Variants in SLC26A11 observed in about 807,000 individuals in gnomAD.
SLC26A11 encodes sodium-independent sulfate anion transporter.
In SLC26A11, 58 loss-of-function variants were observed where a neutral mutation model predicts 62.2. The ratio of observed to expected loss-of-function variants is 0.93; its 90% CI spans 0.76 to 1.16. SLC26A11 has a LOEUF of 1.16. SLC26A11 is among the 50% of genes most tolerant of loss of function. The pLI is 0.00. For missense variants in SLC26A11, 790 were observed against 794.3 expected (o/e 0.99, Z 0.06); for synonymous variants, 411 against 368.9 (o/e 1.11, Z -1.31).
intron 17 of SLC26A11, among the ~76,000 whole-genome samples, chr17:80,251,839 C>T (rs1873400575): frequency 6.6e-6 from 1 of 152,158 alleles, no homozygotes; most frequent in Non-Finnish European, 1.5e-5. Flanking sequence ...TACCCCTCCC[C>T]TAAACACGCA....
Position 80,237,233 on chromosome 17 carries a change from G to A in SLC26A11, c.912+130G>A, listed in dbSNP as rs142621504. 1.5e-3 allele frequency: 1,674 copies of A among 1,108,322 alleles called. 27 individuals are homozygous for A. In the African/African-American group the frequency reaches 0.023, roughly 15 times the overall value. The allele number at this position is 1,108,322 out of a possible 1,614,324, so 68.7% of individuals were successfully genotyped here. On this transcript the variant is annotated intron_variant, in intron 8 of 17. Transcript: ENST00000361193. ...TTAGGACAGCTGAGTCCTCAGGAACGGACATCTCAGTTATTAAAGAATCCC... is the reference window on the plus strand; with the variant it reads ...TTAGGACAGCTGAGTCCTCAGGAACAGACATCTCAGTTATTAAAGAATCCC...
Position 80,248,654 on chromosome 17 carries a change from T to A in SLC26A11, c.1502T>A (p.Ile501Asn). 6.3e-7 allele frequency: 1 copy of A among 1,576,916 alleles called. No individual in the cohort carries two copies. The highest frequency in any genetic ancestry group is 8.6e-7 in the Non-Finnish European group (1 of 1,161,310). Residue 501 changes from isoleucine to asparagine, a missense_variant, in exon 15 of 18, where the codon ATC (isoleucine) becomes AAC (asparagine). Coordinates refer to ENST00000361193, the MANE Select transcript of SLC26A11 (RefSeq NM_001166347.2). ...FPAMEALREE[I>N]LSRALEVSPP... ...GCCATGGAGGCTCTGCGGGAGGAGATCCTAAGCCGGGCCCTGGAAGGTGCA... is the reference window on the plus strand; with the variant it reads ...GCCATGGAGGCTCTGCGGGAGGAGAACCTAAGCCGGGCCCTGGAAGGTGCA...
In SLC26A11 at chr17:80,237,092, G is replaced by T; in HGVS notation, c.901G>T (p.Glu301Ter). Reference sequence around the variant, plus strand: ...AGCCAACGGGACGATCTCCTTCACCGAGATGGTGCAGGTGGGCGGAGCCGG... The same window carrying T: ...AGCCAACGGGACGATCTCCTTCACCTAGATGGTGCAGGTGGGCGGAGCCGG... ...TTANGTISFT[E>*]MVQDMGAGLA... The change falls in exon 8 of 18, where the codon GAG (glutamate) becomes TAG (stop). Residue 301 changes from glutamate (E) to a stop codon, truncating the protein, a stop_gained. Coordinates refer to ENST00000361193, the MANE Select transcript of SLC26A11 (RefSeq NM_001166347.2). LOFTEE classifies it high-confidence loss of function. 1 of 1,612,030 alleles carries T rather than the reference G, an allele frequency of 6.2e-7. No homozygotes were observed. Among genetic ancestry groups the T allele is most frequent in the Non-Finnish European group, 8.5e-7 (1 of 1,178,776 alleles).
rs577866730 is a variant in SLC26A11, at chr17:80,237,636, C to T, written c.985+42C>T. The T allele has an allele frequency of 7.2e-5, 114 of 1,581,668 alleles. No individual in the cohort carries two copies. In the East Asian group the frequency reaches 1.3e-3, roughly 18 times the overall value. On this transcript the variant is annotated intron_variant, in intron 9 of 17. Transcript: ENST00000361193. ...CCACACCCCAGGTCTCCCAGTGCGC[C>T]GGCTGGGCTAGGCCTGCCTGCTTTC... is the stretch of plus-strand genomic sequence containing the variant.
intron 7 of SLC26A11, among the ~76,000 whole-genome samples, chr17:80,234,875 A>T (rs1598813436): frequency 2.9e-5 from 4 of 136,122 alleles, no homozygotes; most frequent in Admixed American, 7.8e-5. Context: ...TTTAAGATGG[A>T]GTTTCGCTCT....
At chr17:80,242,881 G>C (rs1231305547) in intron 10 of SLC26A11, among the ~76,000 whole-genome samples, 1 of 152,084 alleles carries the variant, frequency 6.6e-6, no homozygotes, top group Non-Finnish European at 1.5e-5. Flanking sequence ...GCTACTTTTT[G>C]TATTTTTAGT....
At chr17:80,221,219 T>A in intron 2 of SLC26A11, 104 bp downstream of exon 2, 1 of 272,528 alleles carries the variant, frequency 3.7e-6, no homozygotes, top group Non-Finnish European at 6.8e-6. Context: ...GCCAGAAGTG[T>A]TGAGCCTAAT....
chr17:80,232,561 C>T (rs184821746), intron 7 of SLC26A11, among the ~76,000 whole-genome samples: 8 of 152,206 alleles, frequency 5.3e-5, no homozygotes, highest in Non-Finnish European at 7.4e-5. Context: ...TTACTTTTAA[C>T]GTATTTAATT....
In SLC26A11 at chr17:80,221,788, G is replaced by A. The variant is rs1178369331; in HGVS notation, c.228G>A (p.Pro76=). Reference sequence around the variant, plus strand: ...CCTATGCTGAAGTGGCTGGACTCCCGCCCCAGGTGAGGCGTCTGACCCTGC... The same window carrying A: ...CCTATGCTGAAGTGGCTGGACTCCCACCCCAGGTGAGGCGTCTGACCCTGC... ...ALAYAEVAGL[P]PQYGLYSAFM... is the part of the protein sequence containing the mutation. The change falls in exon 3 of 18, where the codon CCG becomes CCA. Residue 76 remains proline (P), a synonymous_variant. Transcript: ENST00000361193. 3 of 1,609,484 alleles carry A rather than the reference G, an allele frequency of 1.9e-6. No homozygotes were observed. Among genetic ancestry groups the A allele is most frequent in the Non-Finnish European group, 2.5e-6 (3 of 1,179,486 alleles).
intron 10 of SLC26A11, 55 bp downstream of exon 10, chr17:80,241,876 G>A (rs774508977): frequency 2.9e-4 from 455 of 1,586,466 alleles, no homozygotes; most frequent in Middle Eastern, 2.0e-3. Flanking sequence ...CAGGGTCCCA[G>A]GCCTGCCCCT....
chr17:80,237,146 G>A, intron 8 of SLC26A11, 43 bp downstream of exon 8: 2 of 1,585,008 alleles, frequency 1.3e-6, no homozygotes, highest in Non-Finnish European at 1.7e-6. Flanking sequence ...TGAGGCTGCG[G>A]TGGCCCCTGG....
Position 80,228,522 on chromosome 17 carries a change from C to T in SLC26A11, c.736+562C>T, listed in dbSNP as rs1365438310. 6.6e-6 allele frequency among the ~76,000 whole-genome samples: 1 copy of T among 152,182 alleles called. No individual in the cohort carries two copies. The highest frequency in any genetic ancestry group is 2.4e-5 in the African/African-American group (1 of 41,426). On this transcript the variant is annotated intron_variant, in intron 7 of 17. Transcript: ENST00000361193. The surrounding 1 kb of genome is among the most constrained non-coding windows in gnomAD (Gnocchi z 4.1). ...GAACTGATGCATGGCCAGCTGTGGC[C>T]GTTCTCAACCTGAAGCAGTTTTGCC...
intron 7 of SLC26A11, among the ~76,000 whole-genome samples, chr17:80,234,235 C>T (rs1287690538): frequency 6.6e-6 from 1 of 152,122 alleles, no homozygotes; most frequent in Non-Finnish European, 1.5e-5. Context: ...GAACTCCTGA[C>T]CTCAGGTGAT....
chr17:80,243,267 G>A (rs1270580197), intron 10 of SLC26A11, among the ~76,000 whole-genome samples: 1 of 152,202 alleles, frequency 6.6e-6, no homozygotes, highest in East Asian at 1.9e-4. Flanking sequence ...GTCCAGTTGA[G>A]TGGCGGAGCT....
chr17:80,226,102 T>A (rs574126022), intron 6 of SLC26A11, among the ~76,000 whole-genome samples, 186 bp downstream of exon 6: 2 of 152,126 alleles, frequency 1.3e-5, no homozygotes, highest in East Asian at 3.9e-4. Flanking sequence ...ACCTGCCCTA[T>A]CAGAGCCACA....
intron 7 of SLC26A11, among the ~76,000 whole-genome samples, chr17:80,234,942 C>T (rs955978073): frequency 7.2e-5 from 11 of 151,834 alleles, no homozygotes; most frequent in Admixed American, 3.9e-4. Flanking sequence ...CTCTGCCTCC[C>T]GGCTTCAAGT....
intron 16 of SLC26A11, among the ~76,000 whole-genome samples, chr17:80,250,958 T>C (rs986995321): frequency 1.3e-5 from 2 of 151,760 alleles, no homozygotes; most frequent in Admixed American, 1.3e-4. Context: ...CTGGGCAACA[T>C]GACGAAACCC....
chr17:80,227,886 A>G lies in SLC26A11; in HGVS notation c.662A>G (p.His221Arg). The G allele has an allele frequency of 1.2e-6, 2 of 1,602,146 alleles. No individual in the cohort carries two copies. The highest frequency in any genetic ancestry group is 1.7e-6 in the Non-Finnish European group (2 of 1,179,826). ...CTGGTGCTGAAGCTGATGCGGGACC[A>G]CGTGCCTCCCGTCCACCCCGAGATG... ...LLLVLKLMRD[H>R]VPPVHPEMPP... Residue 221 changes from histidine to arginine, a missense_variant, in exon 7 of 18, where the codon CAC (histidine) becomes CGC (arginine). His to Arg is a conservative substitution (Grantham distance 29). Coordinates refer to ENST00000361193, the MANE Select transcript of SLC26A11 (RefSeq NM_001166347.2).
chr17:80,244,413 G>A (rs1052226128), intron 10 of SLC26A11, among the ~76,000 whole-genome samples: 5 of 152,144 alleles, frequency 3.3e-5, no homozygotes, highest in African/African-American at 1.2e-4. Flanking sequence ...CTGACCTCCC[G>A]AGTACCTAGG....
Sources: allele counts gnomAD v4.1 joint callset (sites outside exome capture counted in the v4.1 genomes callset), GRCh38; gene constraint gnomAD v4.1.1; non-coding constraint Gnocchi (gnomAD v3.1); transcripts MANE v1.5; gene names NCBI Gene and HGNC (gene_info 2026-07-23, HGNC 2026-07-21).